The following ARSK variants were observed in gnomAD, a reference collection of about 807,000 sequenced individuals.
The protein encoded by ARSK is arylsulfatase K.
A neutral mutation model predicts 53.2 loss-of-function variants in ARSK; 37 were observed. That is an observed-to-expected ratio of 0.70 (90% confidence interval 0.54 to 0.92). The LOEUF is 0.92. ARSK is among the 40% of genes least tolerant of loss of function. ARSK has a pLI of 0.00. For synonymous variants in ARSK, 208 were observed against 223.2 expected (o/e 0.93, Z 0.61); for missense variants, 613 against 643.0 (o/e 0.95, Z 0.51).
intron 3 of ARSK, among the ~76,000 whole-genome samples, chr5:95,568,600 T>G (rs1748770927): frequency 6.6e-6 from 1 of 152,232 alleles, no homozygotes; most frequent in Non-Finnish European, 1.5e-5. Context: ...GACACTGTAC[T>G]TTAATTTCTT....
intron 1 of ARSK, among the ~76,000 whole-genome samples, chr5:95,559,553 T>A (rs1025852951): frequency 4.6e-5 from 7 of 152,212 alleles, no homozygotes; most frequent in African/African-American, 1.7e-4. Flanking sequence ...AAATGTACAG[T>A]GAGTTTAATA....
At chr5:95,590,398 G>T (rs936412401) in intron 5 of ARSK, among the ~76,000 whole-genome samples, 1 of 152,126 alleles carries the variant, frequency 6.6e-6, no homozygotes, top group East Asian at 1.9e-4. Flanking sequence ...TGCTTGTTAT[G>T]CTAAAGAATT....
chr5:95,560,183 C>T (rs969336107), intron 1 of ARSK, among the ~76,000 whole-genome samples: 4 of 152,012 alleles, frequency 2.6e-5, no homozygotes, highest in Non-Finnish European at 5.9e-5. Context: ...AATAAAAGAA[C>T]ATTTAAATAA....
At chr5:95,581,367 C>A (rs940573481) in intron 3 of ARSK, among the ~76,000 whole-genome samples, 24 of 152,232 alleles carry the variant, frequency 1.6e-4, no homozygotes, top group African/African-American at 5.8e-4. Flanking sequence ...TCAATATAGC[C>A]ATCTTTCAAG....
chr5:95,593,224 G>T (rs1393007817), intron 6 of ARSK, among the ~76,000 whole-genome samples: 3 of 151,936 alleles, frequency 2.0e-5, no homozygotes, highest in Non-Finnish European at 4.4e-5. Flanking sequence ...GCCTCATTCT[G>T]TTTTCTTGAG....
rs144273303 is a variant in ARSK, at chr5:95,565,810, G to A, written c.127-188G>A. ...GTAGTTAAATGAATCCAAGTGTAAC[G>A]CTGCACTGAATTCTAGCTATTTATG... On this transcript the variant is annotated intron_variant, in intron 1 of 7. Transcript: ENST00000380009. Among the ~76,000 whole-genome samples the A allele has an allele frequency of 1.8e-3, 278 of 152,196 alleles. 1 individual carries two copies. Among genetic ancestry groups the A allele is most frequent in the African/African-American group, 6.5e-3 (269 of 41,536 alleles).
At chr5:95,579,555 T>C in intron 3 of ARSK, among the ~76,000 whole-genome samples, 1 of 152,166 alleles carries the variant, frequency 6.6e-6, no homozygotes, top group East Asian at 1.9e-4. Context: ...TCCCACAACA[T>C]GTGGGAATTA....
chr5:95,566,908 C>T (rs1748734777), intron 2 of ARSK, among the ~76,000 whole-genome samples: 1 of 152,114 alleles, frequency 6.6e-6, no homozygotes, highest in South Asian at 2.1e-4. Context: ...ACACTAACAA[C>T]TATATTATTA....
chr5:95,590,277 G>A (rs929269429), intron 5 of ARSK, among the ~76,000 whole-genome samples: 3 of 152,186 alleles, frequency 2.0e-5, no homozygotes, highest in Non-Finnish European at 2.9e-5. Flanking sequence ...GCAAGAAAGC[G>A]TAAACTAATA....
chr5:95,582,463 A>G (rs1024932208), intron 3 of ARSK, among the ~76,000 whole-genome samples: 4 of 152,170 alleles, frequency 2.6e-5, no homozygotes, highest in Admixed American at 2.6e-4. Context: ...TAAAACCTGA[A>G]ACTTCAGCAA....
chr5:95,560,667 T>TA (rs1748614278), intron 1 of ARSK, among the ~76,000 whole-genome samples: 1 of 151,850 alleles, frequency 6.6e-6, no homozygotes, highest in South Asian at 2.1e-4. Context: ...CCTTGCACCA[T>TA]ACACAAACAC....
intron 1 of ARSK, among the ~76,000 whole-genome samples, chr5:95,557,987 G>A (rs894157770): frequency 2.0e-5 from 3 of 152,208 alleles, no homozygotes; most frequent in Non-Finnish European, 4.4e-5. Context: ...GTCTGTGGCA[G>A]TGAACTATAG....
chr5:95,582,129 A>G (rs1224069214), intron 3 of ARSK, among the ~76,000 whole-genome samples: 2 of 152,080 alleles, frequency 1.3e-5, no homozygotes, highest in Non-Finnish European at 2.9e-5. Context: ...TTGATAGATC[A>G]CTTCAGAGAT....
rs905879658 is a variant in ARSK, at chr5:95,603,559, C to T, written c.*33C>T. The T allele has an allele frequency of 6.8e-7, 1 of 1,465,746 alleles. No individual in the cohort carries two copies. The highest frequency in any genetic ancestry group is 1.5e-5 in the South Asian group (1 of 68,850). 90.8% of individuals were successfully genotyped at this position (1,465,746 alleles called of 1,614,324 possible). Reference sequence around the variant, plus strand: ...GTTTAAAAATAGTGTTCTAGAGATACATATAAATATATTACAAGATCATAA... The same window carrying T: ...GTTTAAAAATAGTGTTCTAGAGATATATATAAATATATTACAAGATCATAA... On this transcript the variant is annotated 3_prime_UTR_variant, in exon 8 of 8. Coordinates refer to ENST00000380009, the MANE Select transcript of ARSK (RefSeq NM_198150.3).
chr5:95,598,114 T>G (rs989435927), intron 6 of ARSK, among the ~76,000 whole-genome samples: 1 of 152,208 alleles, frequency 6.6e-6, no homozygotes, highest in Non-Finnish European at 1.5e-5. Context: ...ATCATCTCTC[T>G]TCAGGAGATC....
rs1749115150 is a variant in ARSK at position 95,586,552 on chromosome 5, C to G, written c.700-10C>G. On this transcript the variant is annotated splice_polypyrimidine_tract_variant and intron_variant, in intron 4 of 7. Coordinates refer to ENST00000380009, the MANE Select transcript of ARSK (RefSeq NM_198150.3). The stretch of plus-strand genomic sequence containing the variant: ...TGCTAGCATAACTAAGTTTTTTCTC[C>G]CCTTTTTAGGTGTCTCATGATGCCA... The G allele has an allele frequency of 8.8e-6, 14 of 1,597,856 alleles. No homozygotes were observed. The highest frequency in any genetic ancestry group is 1.2e-5 in the South Asian group (1 of 86,622).
chr5:95,598,452 G>T (rs190692313), intron 6 of ARSK, among the ~76,000 whole-genome samples: 118 of 152,064 alleles, frequency 7.8e-4, no homozygotes, highest in African/African-American at 2.7e-3. Flanking sequence ...TAAATATTAT[G>T]GATATTTCGC....
intron 5 of ARSK, 97 bp from the exon 6 acceptor site, chr5:95,591,304 G>T (rs1749210348): frequency 9.8e-7 from 1 of 1,025,104 alleles, no homozygotes. Context: ...GAAGCATAGT[G>T]ACAAACTCTT....
intron 1 of ARSK, among the ~76,000 whole-genome samples, chr5:95,558,049 C>T (rs993251681): frequency 1.3e-5 from 2 of 152,180 alleles, no homozygotes; most frequent in Non-Finnish European, 2.9e-5. Context: ...TAGGACTACT[C>T]CCCCTCGGCT....
Sources: allele counts gnomAD v4.1 joint callset (sites outside exome capture counted in the v4.1 genomes callset), GRCh38; gene constraint gnomAD v4.1.1; transcripts MANE v1.5; gene names NCBI Gene and HGNC (gene_info 2026-07-23, HGNC 2026-07-21).